TET3: variants seen among roughly 807,000 people sequenced by gnomAD.
TET3 encodes methylcytosine dioxygenase TET3.
Under a neutral mutation model 141.4 loss-of-function variants are expected in TET3, and 19 were observed. That is an observed-to-expected ratio of 0.13 (90% CI 0.09 to 0.20). TET3 has a LOEUF of 0.20. Among genes scored for constraint, TET3 ranks in the 10% least tolerant of loss-of-function variants. TET3 has a pLI of 1.00. For synonymous variants in TET3, 1,043 were observed against 980.9 expected, an observed-to-expected ratio of 1.06 and a Z score of -1.18; for missense variants, 1,874 against 2,356.9, an observed-to-expected ratio of 0.80 and a Z score of 4.24.
At chr2:74,097,128 A>C in intron 10 of TET3, among the ~76,000 whole-genome samples, 1 of 135,934 alleles carries the variant, frequency 7.4e-6, no homozygotes. Flanking sequence ...AAAAAAAAGA[A>C]AAGCAGGTCA....
In TET3 at chr2:74,105,847, C is replaced by T. The variant is rs1001430871; in HGVS notation, c.*3671C>T. On this transcript the variant is annotated 3_prime_UTR_variant, in exon 12 of 12. Coordinates refer to ENST00000409262, the MANE Select transcript of TET3 (RefSeq NM_001287491.2). Reference sequence around the variant, plus strand: ...TCTAGAGGTTTAATCACCATGAGATCTCAAACCAAGGCAAAGCTGGTGGAA... The same window carrying T: ...TCTAGAGGTTTAATCACCATGAGATTTCAAACCAAGGCAAAGCTGGTGGAA... The T allele has an allele frequency of 6.4e-6, 1 of 156,292 alleles. No homozygotes were observed. Among genetic ancestry groups the T allele is most frequent in the African/African-American group, 2.4e-5 (1 of 41,564 alleles). The allele number at this position is 156,292 out of a possible 1,614,324, so 9.7% of individuals were successfully genotyped here. A position where few individuals can be genotyped will look rare whatever the true frequency, so the allele number is the denominator to read the frequency against.
chr2:74,100,327 G>A (rs764318321), intron 11 of TET3, 66 bp from the exon 12 acceptor site: 11 of 1,503,328 alleles, frequency 7.3e-6, no homozygotes, highest in Admixed American at 4.0e-5. Context: ...CCCAGTCCCC[G>A]ACCCAGGGCC....
At chr2:74,009,993 G>T (rs1227079266) in intron 3 of TET3, among the ~76,000 whole-genome samples, 1 of 152,270 alleles carries the variant, frequency 6.6e-6, no homozygotes, top group Non-Finnish European at 1.5e-5. Context: ...TGAGCCAGGT[G>T]CTACCTGATG....
intron 2 of TET3, chr2:73,993,252 C>G (rs1269892512): frequency 6.6e-6 from 1 of 152,234 alleles, no homozygotes; most frequent in Non-Finnish European, 1.5e-5. Flanking sequence ...CTGGACTATT[C>G]TATGGCAAAT....
intron 3 of TET3, among the ~76,000 whole-genome samples, chr2:74,044,658 C>T (rs1157488606): frequency 6.6e-6 from 1 of 152,198 alleles, no homozygotes; most frequent in African/African-American, 2.4e-5. Flanking sequence ...CACTGCCCAG[C>T]ATCGCGAAAG....
rs1399762603 is a variant in TET3, at chr2:74,069,240, A to G, written c.2495-4309A>G. Among the ~76,000 whole-genome samples, 5 of 151,614 alleles carry G rather than the reference A, an allele frequency of 3.3e-5. No homozygotes were observed. In the East Asian group the frequency reaches 9.7e-4, roughly 29 times the overall value. Reference sequence around the variant, plus strand: ...AAACTTTTTTCCCGCAGTTGTCCTAACACTACACATTGAAAGTTTTATCTT... The same window carrying G: ...AAACTTTTTTCCCGCAGTTGTCCTAGCACTACACATTGAAAGTTTTATCTT... On this transcript the variant is annotated intron_variant, in intron 4 of 11. Transcript: ENST00000409262.
intron 10 of TET3, 141 bp from the exon 11 acceptor site, chr2:74,099,135 A>G (rs1268339502): frequency 1.3e-6 from 1 of 758,764 alleles, no homozygotes; most frequent in East Asian, 2.7e-5. Flanking sequence ...TGTGCTTTCC[A>G]CAAACTCTTG....
chr2:74,120,226 C>T, the TET3 span, among the ~76,000 whole-genome samples: 2 of 152,246 alleles, frequency 1.3e-5, no homozygotes, highest in Non-Finnish European at 2.9e-5. Flanking sequence ...CCCGCCCAAC[C>T]CCGGAGCGCT....
At chr2:74,061,400 C>T (rs1272297843) in intron 4 of TET3, among the ~76,000 whole-genome samples, 2 of 135,658 alleles carry the variant, frequency 1.5e-5, no homozygotes, top group African/African-American at 2.8e-5. Flanking sequence ...CCGGACGGGG[C>T]GGCTGGCAGG....
chr2:74,068,942 A>G (rs1482028579), intron 4 of TET3, among the ~76,000 whole-genome samples: 5 of 152,094 alleles, frequency 3.3e-5, no homozygotes, highest in Non-Finnish European at 5.9e-5. Context: ...TGAGTTCCAG[A>G]TCTCTCTTCC....
At chr2:74,010,985 C>G (rs1287021568) in intron 3 of TET3, among the ~76,000 whole-genome samples, 4 of 152,022 alleles carry the variant, frequency 2.6e-5, no homozygotes, top group Admixed American at 6.6e-5. Context: ...TGCGTGTAAT[C>G]CCAGCACTTT....
chr2:74,129,304 G>GA, the TET3 span, among the ~76,000 whole-genome samples: 2 of 86,692 alleles, frequency 2.3e-5, no homozygotes, highest in Admixed American at 3.7e-4. Flanking sequence ...CAACAAGAGT[G>GA]AAACTCCGTC....
chr2:73,995,267 A>G (rs1484686851), intron 2 of TET3, among the ~76,000 whole-genome samples: 5 of 152,198 alleles, frequency 3.3e-5, no homozygotes, highest in Non-Finnish European at 5.9e-5. Context: ...GCCTGTTTGC[A>G]TGTTTTTTAG....
chr2:74,020,609 C>A (rs1017716683), intron 3 of TET3, among the ~76,000 whole-genome samples: 8 of 152,214 alleles, frequency 5.3e-5, no homozygotes, highest in African/African-American at 1.9e-4. Flanking sequence ...AGGTCCCTGC[C>A]CCCACTGGTC....
chr2:74,122,677 C>CT, the TET3 span, among the ~76,000 whole-genome samples: 388 of 42,386 alleles, frequency 9.2e-3, 8 homozygotes, highest in East Asian at 0.065. Context: ...CTACACCTAG[C>CT]TTTTTTTTTT....
intron 2 of TET3, 180 bp from the exon 3 acceptor site, chr2:74,002,930 G>C (rs1345294762): frequency 1.6e-6 from 1 of 637,730 alleles, no homozygotes; most frequent in African/African-American, 1.8e-5. Flanking sequence ...GAGCCTGTCT[G>C]CCGTGATCCA....
At chr2:74,125,879 G>C in the TET3 span, among the ~76,000 whole-genome samples, 1 of 152,120 alleles carries the variant, frequency 6.6e-6, no homozygotes, top group South Asian at 2.1e-4. Context: ...ATGCTAGTTT[G>C]TTAAATTTTA....
intron 3 of TET3, among the ~76,000 whole-genome samples, chr2:74,041,488 C>T (rs1180184071): frequency 6.6e-6 from 1 of 152,152 alleles, no homozygotes; most frequent in Non-Finnish European, 1.5e-5. Flanking sequence ...CTGTTCAGGT[C>T]AGGTCATAGC....
chr2:74,010,251 C>G (rs1177885284), intron 3 of TET3, among the ~76,000 whole-genome samples: 1 of 152,200 alleles, frequency 6.6e-6, no homozygotes. Context: ...ACCCGGGAAG[C>G]CTGGGAAGCT....
Sources: allele counts gnomAD v4.1 joint callset (sites outside exome capture counted in the v4.1 genomes callset), GRCh38; gene constraint gnomAD v4.1.1; transcripts MANE v1.5; gene names NCBI Gene and HGNC (gene_info 2026-07-23, HGNC 2026-07-21).